SEMA5B: variants seen among roughly 807,000 people sequenced by gnomAD.
The protein encoded by SEMA5B is semaphorin-5B.
SEMA5B carries 66 observed loss-of-function variants against 135.0 expected under a neutral mutation model. The ratio of observed to expected loss-of-function variants is 0.49; its 90% confidence interval spans 0.40 to 0.60. SEMA5B has a LOEUF of 0.60. Ranked by LOEUF, SEMA5B falls within the 20% of genes least tolerant of loss-of-function variation. The pLI, the probability that SEMA5B is intolerant of heterozygous loss-of-function variation, is 0.00. For missense variants in SEMA5B, 1,501 were observed against 1,566.3 expected, an observed-to-expected ratio of 0.96 and a Z score of 0.70; for synonymous variants, 690 against 639.5, an observed-to-expected ratio of 1.08 and a Z score of -1.19.
intron 1 of SEMA5B, among the ~76,000 whole-genome samples, chr3:122,992,266 A>G (rs1353434535): frequency 1.3e-5 from 2 of 152,232 alleles, no homozygotes; most frequent in African/African-American, 2.4e-5. Context: ...CCCACGGGTC[A>G]GGGGCTCCAG....
intron 1 of SEMA5B, among the ~76,000 whole-genome samples, chr3:122,994,587 C>T (rs1424351220): frequency 6.6e-6 from 1 of 152,142 alleles, no homozygotes; most frequent in Non-Finnish European, 1.5e-5. Context: ...TCTTTGGAGA[C>T]AGATCACCAC....
chr3:122,988,634 T>G (rs932598792), intron 1 of SEMA5B, among the ~76,000 whole-genome samples: 1 of 152,240 alleles, frequency 6.6e-6, no homozygotes, highest in Non-Finnish European at 1.5e-5. Flanking sequence ...CTCTAGGACT[T>G]GGCAGTTGGG....
intron 1 of SEMA5B, among the ~76,000 whole-genome samples, chr3:122,978,387 G>T (rs983038496): frequency 6.6e-6 from 1 of 152,190 alleles, no homozygotes; most frequent in Non-Finnish European, 1.5e-5. Flanking sequence ...GAGGCGGGGC[G>T]TAGGGCCACA....
chr3:122,979,966 G>T (rs528726120), intron 1 of SEMA5B, among the ~76,000 whole-genome samples: 1 of 152,238 alleles, frequency 6.6e-6, no homozygotes, highest in South Asian at 2.1e-4. Flanking sequence ...CACTTATTTG[G>T]GCCATACGCA....
chr3:122,962,438 A>G (rs1940628044), intron 1 of SEMA5B, among the ~76,000 whole-genome samples: 1 of 152,204 alleles, frequency 6.6e-6, no homozygotes, highest in Non-Finnish European at 1.5e-5. Flanking sequence ...AGAGATGTGG[A>G]AATGACAGGC....
At chr3:123,025,790 G>A (rs575022122) in intron 1 of SEMA5B, among the ~76,000 whole-genome samples, 4 of 152,336 alleles carry the variant, frequency 2.6e-5, no homozygotes, top group Admixed American at 2.6e-4. Context: ...TGACCAAGTG[G>A]CAAGTTCCCC....
chr3:123,000,976 G>A (rs16833763), intron 1 of SEMA5B, among the ~76,000 whole-genome samples: 10,867 of 152,256 alleles, frequency 0.071, 455 homozygotes, highest in East Asian at 0.16. Context: ...GCTTGGCCTC[G>A]TTTTGCAAGG....
intron 2 of SEMA5B, among the ~76,000 whole-genome samples, chr3:122,957,602 A>AT (rs1374446587): frequency 6.6e-6 from 1 of 152,258 alleles, no homozygotes; most frequent in Non-Finnish European, 1.5e-5. Flanking sequence ...CTTGAGTACA[A>AT]ATGCCTGGAG....
Position 122,921,932 on chromosome 3 carries a change from G to A in SEMA5B, c.1671C>T (p.Ala557=), listed in dbSNP as rs748849408. The A allele has an allele frequency of 2.6e-6, 4 of 1,533,874 alleles. No individual in the cohort carries two copies. In the African/African-American group the frequency reaches 5.5e-5, roughly 21 times the overall value. The change falls in exon 12 of 23, where the codon GCC becomes GCT. Residue 557 remains alanine, a synonymous_variant. Coordinates refer to ENST00000357599, the MANE Select transcript of SEMA5B (RefSeq NM_001031702.4). ...GVLRVPLERC[A]AYRSQGACLG... Reference sequence around the variant, plus strand: ...CGGCTTACCCCTGGCTGCGGTAGGCGGCGCACCTCTCCAGTGGGACCCGCA... The same window carrying A: ...CGGCTTACCCCTGGCTGCGGTAGGCAGCGCACCTCTCCAGTGGGACCCGCA...
At chr3:122,943,983 G>T (rs1048157253) in intron 3 of SEMA5B, among the ~76,000 whole-genome samples, 22 of 152,210 alleles carry the variant, frequency 1.4e-4, no homozygotes, top group East Asian at 1.9e-4. Flanking sequence ...TTCCAGGCCT[G>T]CCCCTCGAGT....
intron 1 of SEMA5B, among the ~76,000 whole-genome samples, chr3:122,961,721 G>A (rs1310299140): frequency 2.0e-5 from 3 of 152,174 alleles, no homozygotes; most frequent in African/African-American, 4.8e-5. Flanking sequence ...GCCTCCCAAA[G>A]TGTCCTCCTG....
Position 122,913,366 on chromosome 3 carries a change from G to A in SEMA5B, c.2339C>T (p.Thr780Met), listed in dbSNP as rs1244097859. 6.3e-7 allele frequency: 1 copy of A among 1,582,866 alleles called. No individual in the cohort carries two copies. The highest frequency in any genetic ancestry group is 8.5e-7 in the Non-Finnish European group (1 of 1,170,870). Residue 780 changes from threonine (T) to methionine (M), a missense_variant, in exon 17 of 23, where the codon ACG becomes ATG. This residue lies in a region of SEMA5B where 927 missense variants were observed against 881.6 expected (regional missense o/e 1.05). Coordinates refer to ENST00000357599, the MANE Select transcript of SEMA5B (RefSeq NM_001031702.4). ...CPEVRRNTPW[T>M]PWLPVNVTQG... ...CGTCACGTTCACGGGCAGCCACGGC[G>A]TCCAGGGGGTGTTGCGCCGCACTTC...
intron 20 of SEMA5B, 142 bp downstream of exon 20, chr3:122,911,778 C>T: frequency 8.4e-7 from 1 of 1,192,108 alleles, no homozygotes; most frequent in Admixed American, 2.9e-5. Context: ...TGGGAGTTTT[C>T]TTTCGGCATC....
In SEMA5B at chr3:122,912,342, A is replaced by C. The variant is rs767085254; in HGVS notation, c.2726T>G (p.Val909Gly). ...YQDCNPQACPVRGAWSCWTSW... is the reference protein window; with the variant it reads ...YQDCNPQACPGRGAWSCWTSW... Reference sequence around the variant, plus strand: ...GGTCCAGCAGGACCAAGCACCCCGAACTGCAAGGGGACGGGGTGTGTGAGG... The same window carrying C: ...GGTCCAGCAGGACCAAGCACCCCGACCTGCAAGGGGACGGGGTGTGTGAGG... Residue 909 changes from valine (V) to glycine (G), a missense_variant and splice_region_variant, in exon 19 of 23, where the codon GTT becomes GGT. Physicochemically the swap from Val to Gly is moderately radical, Grantham distance 109. Transcript: ENST00000357599. The C allele has an allele frequency of 6.3e-7, 1 of 1,591,598 alleles. No individual in the cohort carries two copies. The highest frequency in any genetic ancestry group is 1.2e-5 in the South Asian group (1 of 86,796).
At chr3:123,006,629 A>G (rs1942318463) in intron 1 of SEMA5B, among the ~76,000 whole-genome samples, 1 of 152,156 alleles carries the variant, frequency 6.6e-6, no homozygotes, top group African/African-American at 2.4e-5. Flanking sequence ...ACTCTGGGCT[A>G]CTTTGGTTTC....
intron 1 of SEMA5B, among the ~76,000 whole-genome samples, chr3:122,978,512 G>A (rs921774367): frequency 9.2e-5 from 14 of 152,188 alleles, no homozygotes; most frequent in African/African-American, 3.4e-4. Context: ...ATAGACTGGT[G>A]ATTAGAGTTA....
chr3:122,963,261 C>T (rs1940668729), intron 1 of SEMA5B, among the ~76,000 whole-genome samples: 1 of 152,146 alleles, frequency 6.6e-6, no homozygotes, highest in Middle Eastern at 3.2e-3. Flanking sequence ...CTTTGGGAGG[C>T]CGAGGTGGGC....
Position 122,957,920 on chromosome 3 carries a change from T to C in SEMA5B, c.124+3220A>G, listed in dbSNP as rs138908291. Among the ~76,000 whole-genome samples, 426 of 152,338 alleles carry C rather than the reference T, an allele frequency of 2.8e-3. 3 individuals carry two copies. Among genetic ancestry groups the C allele is most frequent in the African/African-American group, 8.7e-3 (363 of 41,580 alleles). The stretch of plus-strand genomic sequence containing the variant: ...TCCAAGCAGCCCTCCCAGTTTAATT[T>C]GGTTTTCTGAGTTGGCTTCCTTACT... On this transcript the variant is annotated intron_variant, in intron 2 of 22. Transcript: ENST00000357599.
At position 122,910,071 on chromosome 3, in the gene SEMA5B, G is replaced by A; in HGVS notation, c.*72C>T. ...AGTGCAGAGGGAGAAAACCAAACTG[G>A]CTCCACTGTCCCATCTCCATCTGCT... On this transcript the variant is annotated 3_prime_UTR_variant, in exon 23 of 23. Coordinates refer to ENST00000357599, the MANE Select transcript of SEMA5B (RefSeq NM_001031702.4). 6.6e-7 allele frequency: 1 copy of A among 1,518,096 alleles called. No homozygotes were observed. The highest frequency in any genetic ancestry group is 8.9e-7 in the Non-Finnish European group (1 of 1,121,372). The allele number at this position is 1,518,096 out of a possible 1,614,324, so 94.0% of individuals were successfully genotyped here. A position where few individuals can be genotyped will look rare whatever the true frequency, so the allele number is the denominator to read the frequency against.
Sources: gnomAD v4.1 joint callset for allele counts (sites outside exome capture counted in the v4.1 genomes callset) on GRCh38, gnomAD v4.1.1 for gene constraint, gnomAD v4.1.1 regional missense constraint, MANE v1.5 for transcripts, NCBI Gene and HGNC (gene_info 2026-07-23, HGNC 2026-07-21) for gene names.